Variants in FHIT observed in about 807,000 individuals in gnomAD.
FHIT encodes the protein fragile histidine triad diadenosine triphosphatase, also known as bis(5'-adenosyl)-triphosphatase.
FHIT carries 19 observed loss-of-function variants against 17.9 expected under a neutral mutation model. That is an observed-to-expected ratio of 1.06 (90% CI 0.74 to 1.56). The LOEUF is 1.56. Among genes scored for constraint, FHIT ranks in the 40% most tolerant of loss-of-function variants. FHIT has a pLI of 0.00. For missense variants in FHIT, 248 were observed against 189.2 expected, an observed-to-expected ratio of 1.31 and a Z score of -1.82; for synonymous variants, 81 against 69.7, an observed-to-expected ratio of 1.16 and a Z score of -0.81.
intron 8 of FHIT, among the ~76,000 whole-genome samples, chr3:59,821,817 ATAGGTT>A (rs1348061069): frequency 2.6e-5 from 4 of 151,610 alleles, no homozygotes; most frequent in African/African-American, 9.7e-5. Context: ...TTTTATTTCC[ATAGGTT>A]TTTGGGGGAA....
chr3:59,799,921 G>C (rs894461087), intron 8 of FHIT, among the ~76,000 whole-genome samples: 1 of 152,168 alleles, frequency 6.6e-6, no homozygotes, highest in Non-Finnish European at 1.5e-5. Flanking sequence ...CAGATATTGT[G>C]GGAAGAGGAG....
At chr3:60,555,875 C>T (rs1485799876) in intron 4 of FHIT, among the ~76,000 whole-genome samples, 1 of 152,210 alleles carries the variant, frequency 6.6e-6, no homozygotes, top group Admixed American at 6.5e-5. Flanking sequence ...GGCAAGCTTT[C>T]TGCAGGAGAG....
chr3:60,426,279 G>A (rs1032416894), intron 5 of FHIT, among the ~76,000 whole-genome samples: 2 of 152,116 alleles, frequency 1.3e-5, no homozygotes. Flanking sequence ...AATTGCCATG[G>A]AAGTATTAAA....
chr3:60,794,373 AATGGATGG>A (rs34723569), intron 4 of FHIT, among the ~76,000 whole-genome samples: 193 of 149,610 alleles, frequency 1.3e-3, no homozygotes, highest in African/African-American at 3.6e-3. Flanking sequence ...GGGAAGGAAA[AATGGATGG>A]ATGGATGGAT....
chr3:60,101,415 A>G (rs1404538706), intron 5 of FHIT, among the ~76,000 whole-genome samples: 1 of 152,168 alleles, frequency 6.6e-6, no homozygotes, highest in Non-Finnish European at 1.5e-5. Context: ...GCTCCCCAGG[A>G]CTGGCTCTTG....
intron 5 of FHIT, among the ~76,000 whole-genome samples, chr3:60,466,891 A>G (rs561380095): frequency 2.0e-5 from 3 of 151,166 alleles, no homozygotes; most frequent in South Asian, 2.1e-4. Context: ...GCCTCCTAGA[A>G]TGAATCTGCA....
rs141349716 is a variant in FHIT at position 61,088,409 on chromosome 3, T to A, written c.-163-46310A>T. Among the ~76,000 whole-genome samples the A allele has an allele frequency of 4.2e-3, 644 of 152,332 alleles. 1 individual carries two copies. Among genetic ancestry groups the A allele is most frequent in the Non-Finnish European group, 6.2e-3 (421 of 68,016 alleles). On this transcript the variant is annotated intron_variant, in intron 2 of 9. Coordinates refer to ENST00000492590, the MANE Select transcript of FHIT (RefSeq NM_002012.4). ...TTAAATATAATTGAATCAGTGAGTC[T>A]GCTTTCAAGTCCTCTAAATAGAATA...
intron 5 of FHIT, among the ~76,000 whole-genome samples, chr3:60,473,203 A>G (rs142005251): frequency 6.6e-6 from 1 of 152,332 alleles, no homozygotes; most frequent in East Asian, 1.9e-4. Flanking sequence ...CTGTTAAGAT[A>G]TGAACCAACG....
chr3:60,859,215 T>C (rs1288152440), intron 3 of FHIT, among the ~76,000 whole-genome samples: 1 of 152,164 alleles, frequency 6.6e-6, no homozygotes, highest in Non-Finnish European at 1.5e-5. Context: ...GAAGCAGACC[T>C]GTGTTCATCT....
chr3:60,619,119 G>T (rs2039039446), intron 4 of FHIT, among the ~76,000 whole-genome samples: 1 of 152,130 alleles, frequency 6.6e-6, no homozygotes, highest in Non-Finnish European at 1.5e-5. Context: ...TAGATGATTT[G>T]TTGCATTATA....
intron 4 of FHIT, among the ~76,000 whole-genome samples, chr3:60,604,707 G>C (rs1360201765): frequency 1.3e-5 from 2 of 152,132 alleles, no homozygotes; most frequent in Non-Finnish European, 2.9e-5. Context: ...CCCACTCTTG[G>C]TGTCCTAAGT....
chr3:61,110,454 C>T (rs558255058), intron 2 of FHIT, among the ~76,000 whole-genome samples: 2 of 152,186 alleles, frequency 1.3e-5, no homozygotes, highest in Admixed American at 1.3e-4. Context: ...CCCTCTAATT[C>T]TCCTTACCTT....
chr3:60,674,739 G>A (rs887900983), intron 4 of FHIT, among the ~76,000 whole-genome samples: 11 of 152,054 alleles, frequency 7.2e-5, no homozygotes, highest in Non-Finnish European at 1.5e-4. Flanking sequence ...GAATTCCAAC[G>A]TCTCCCATCT....
intron 2 of FHIT, among the ~76,000 whole-genome samples, chr3:61,175,125 A>G (rs1449788492): frequency 3.3e-5 from 5 of 152,036 alleles, no homozygotes; most frequent in Admixed American, 2.0e-4. Flanking sequence ...GGCAGAAGGG[A>G]AAAAAAAGCA....
intron 4 of FHIT, among the ~76,000 whole-genome samples, chr3:60,733,449 T>G (rs1386355324): frequency 6.6e-6 from 1 of 152,164 alleles, no homozygotes; most frequent in Non-Finnish European, 1.5e-5. Flanking sequence ...TTTGTTTTGT[T>G]TTGTTTTGTT....
intron 5 of FHIT, among the ~76,000 whole-genome samples, chr3:60,242,850 T>G (rs1559755933): frequency 6.6e-6 from 1 of 152,058 alleles, no homozygotes; most frequent in Non-Finnish European, 1.5e-5. Flanking sequence ...TATATTTATA[T>G]AAACACATAC....
chr3:60,390,396 T>TAAAAAAAAAAACAAAA (rs1701175269), intron 5 of FHIT, among the ~76,000 whole-genome samples: 3 of 32,030 alleles, frequency 9.4e-5, no homozygotes, highest in African/African-American at 3.7e-4. Context: ...GTAATGGAGC[T>TAAAAAAAAAAACAAAA]AAAAAAAAAA....
At chr3:59,819,622 G>A (rs1700721307) in intron 8 of FHIT, among the ~76,000 whole-genome samples, 1 of 152,102 alleles carries the variant, frequency 6.6e-6, no homozygotes, top group Non-Finnish European at 1.5e-5. Flanking sequence ...ACATTTTTCT[G>A]TATATTTGCA....
chr3:60,923,330 T>A (rs1707385896), intron 3 of FHIT, among the ~76,000 whole-genome samples: 1 of 152,170 alleles, frequency 6.6e-6, no homozygotes, highest in African/African-American at 2.4e-5. Flanking sequence ...GACACTGCCA[T>A]AACCATTTTT....
Sources: gnomAD v4.1 joint callset for allele counts (sites outside exome capture counted in the v4.1 genomes callset) on GRCh38, gnomAD v4.1.1 for gene constraint, MANE v1.5 for transcripts, NCBI Gene and HGNC (gene_info 2026-07-23, HGNC 2026-07-21) for gene names.